PTPRO: variants seen among roughly 807,000 people sequenced by gnomAD.
The protein encoded by PTPRO is protein tyrosine phosphatase receptor type O.
In PTPRO, 62 loss-of-function variants were observed where a neutral mutation model predicts 145.2. The observed-to-expected ratio is 0.43, with a 90% confidence interval of 0.35 to 0.53. The LOEUF (loss-of-function observed/expected upper bound fraction) is 0.53, where lower values mean the gene tolerates loss of function less well. Ranked by LOEUF, PTPRO falls within the 20% of genes least tolerant of loss-of-function variation. The probability of loss-of-function intolerance (pLI) is 0.01; values close to 1 mark genes in which losing one functional copy is unlikely to be tolerated. For synonymous variants in PTPRO, 565 were observed against 514.7 expected (o/e 1.10, Z -1.32); for missense variants, 1,345 against 1,482.7 (o/e 0.91, Z 1.53).
intron 2 of PTPRO, among the ~76,000 whole-genome samples, chr12:15,485,026 C>T (rs773083382): frequency 1.3e-5 from 2 of 152,028 alleles, no homozygotes; most frequent in Non-Finnish European, 2.9e-5. Flanking sequence ...GTCCCTTTTG[C>T]TTGTGTTCTT....
At position 15,497,398 on chromosome 12, in the gene PTPRO, A is replaced by T; in HGVS notation, c.503A>T (p.Tyr168Phe). ...GGTAAAGACTTCCGGACAATGCTAT[A>T]TAAAGGTAAGCAGCAAAAGGAAAGC... ...WEGKDFRTML[Y>F]KDFFKGKTVF... is the part of the protein sequence containing the mutation. The change falls in exon 3 of 27, where the codon TAT becomes TTT. Residue 168 changes from tyrosine (Y) to phenylalanine (F), a missense_variant. Tyr to Phe is a conservative substitution (Grantham distance 22). Coordinates refer to ENST00000281171, the MANE Select transcript of PTPRO (RefSeq NM_030667.3). 6.2e-7 allele frequency: 1 copy of T among 1,613,362 alleles called. No homozygotes were observed. The highest frequency in any genetic ancestry group is 1.1e-5 in the South Asian group (1 of 91,072).
rs907136860 is a variant in PTPRO at position 15,450,329 on chromosome 12, C to G, written c.76-33645C>G. On this transcript the variant is annotated intron_variant, in intron 1 of 26. Transcript: ENST00000281171. ...CCAGAAGTAGCTTAAGGAAACGACT[C>G]TTTCCCATTCTCTATTCAGATCCTC... Among the ~76,000 whole-genome samples, 14 of 152,356 alleles carry G rather than the reference C, an allele frequency of 9.2e-5. No individual in the cohort carries two copies. The South Asian group carries it at 2.9e-3, about 32-fold the overall frequency.
Position 15,569,432 on chromosome 12 carries a change from T to C in PTPRO, c.2763T>C (p.Asp921=). 1 of 1,613,580 alleles carries C rather than the reference T, an allele frequency of 6.2e-7. No homozygotes were observed. The highest frequency in any genetic ancestry group is 8.5e-7 in the Non-Finnish European group (1 of 1,179,536). The part of the protein sequence containing the change: ...KRKLTNPVQL[D]DFDAYIKDMA... ...TTTGGCAAAGCCCGGTTCAACTGGA[T>C]GACTTTGATGCCTATATTAAGGATA... The change falls in exon 19 of 27, where the codon GAT becomes GAC. Residue 921 remains aspartate, a synonymous_variant. Coordinates refer to ENST00000281171, the MANE Select transcript of PTPRO (RefSeq NM_030667.3).
At chr12:15,470,806 A>G (rs1033082152) in intron 1 of PTPRO, among the ~76,000 whole-genome samples, 1 of 152,232 alleles carries the variant, frequency 6.6e-6, no homozygotes, top group African/African-American at 2.4e-5. Context: ...ACTGAAGGAC[A>G]AAAGATGAGT....
intron 1 of PTPRO, among the ~76,000 whole-genome samples, chr12:15,370,016 C>T (rs1363826319): frequency 6.6e-6 from 1 of 151,946 alleles, no homozygotes; most frequent in African/African-American, 2.4e-5. Flanking sequence ...CGCCCCACTC[C>T]ACTCCAGCCT....
intron 1 of PTPRO, among the ~76,000 whole-genome samples, chr12:15,440,861 G>A (rs927965350): frequency 1.3e-5 from 2 of 152,170 alleles, no homozygotes; most frequent in Non-Finnish European, 2.9e-5. Flanking sequence ...CAACTTTGGA[G>A]CAACCAGATT....
rs546746717 is a variant in PTPRO at position 15,523,473 on chromosome 12, T to C, written c.1892-1341T>C. On this transcript the variant is annotated intron_variant, in intron 10 of 26. Coordinates refer to ENST00000281171, the MANE Select transcript of PTPRO (RefSeq NM_030667.3). ...CTTCCCTCGTTGGCAAATTTTTTAT[T>C]TTATTTATTTACGTTTTTTGGCTGG... 1.1e-4 allele frequency among the ~76,000 whole-genome samples: 16 copies of C among 152,294 alleles called. 1 individual carries two copies. The South Asian group carries it at 3.3e-3, about 32-fold the overall frequency.
intron 12 of PTPRO, among the ~76,000 whole-genome samples, chr12:15,540,183 A>G (rs945607722): frequency 2.0e-5 from 3 of 152,194 alleles, no homozygotes; most frequent in African/African-American, 4.8e-5. Flanking sequence ...CAACTTGAGC[A>G]TAGTTTCTGC....
chr12:15,431,170 A>G (rs1940426238), intron 1 of PTPRO, among the ~76,000 whole-genome samples: 1 of 152,366 alleles, frequency 6.6e-6, no homozygotes, highest in South Asian at 2.1e-4. Flanking sequence ...TATTTCCATC[A>G]GGGACATTTG....
chr12:15,398,095 A>G (rs1344815133), intron 1 of PTPRO, among the ~76,000 whole-genome samples: 1 of 152,200 alleles, frequency 6.6e-6, no homozygotes, highest in Non-Finnish European at 1.5e-5. Flanking sequence ...TAATGTGAAG[A>G]TAAATATGAG....
chr12:15,561,078 A>G (rs1299977314), intron 17 of PTPRO, among the ~76,000 whole-genome samples: 3 of 152,094 alleles, frequency 2.0e-5, no homozygotes, highest in African/African-American at 4.8e-5. Context: ...TTCCTGTGCT[A>G]TAAGATAAAA....
chr12:15,533,463 T>C (rs1180772792), intron 12 of PTPRO, among the ~76,000 whole-genome samples: 1 of 152,196 alleles, frequency 6.6e-6, no homozygotes, highest in Non-Finnish European at 1.5e-5. Context: ...ATATAAGCCC[T>C]TTCCATTTTA....
rs1307022153 is a variant in PTPRO at position 15,322,907 on chromosome 12, C to G, written c.75+106C>G. 7.8e-6 allele frequency: 9 copies of G among 1,156,730 alleles called. No individual in the cohort carries two copies. Among genetic ancestry groups the G allele is most frequent in the Non-Finnish European group, 1.1e-5 (9 of 816,024 alleles). 71.7% of individuals were successfully genotyped at this position (1,156,730 alleles called of 1,614,324 possible). The stretch of plus-strand genomic sequence containing the variant: ...CGGCGCGCCCCAGGGCACGATGGCC[C>G]AGCCGCGGGAAGCGCCTGCCGTGCA... On this transcript the variant is annotated intron_variant, in intron 1 of 26. Coordinates refer to ENST00000281171, the MANE Select transcript of PTPRO (RefSeq NM_030667.3). This position sits in a 1 kb window ranked among gnomAD's most constrained non-coding sequence, Gnocchi z 6.3.
At chr12:15,556,875 GAATGCCCT>G (rs1943641553) in intron 15 of PTPRO, among the ~76,000 whole-genome samples, 1 of 152,112 alleles carries the variant, frequency 6.6e-6, no homozygotes, top group South Asian at 2.1e-4. Flanking sequence ...TTAGAATCAT[GAATGCCCT>G]TTGGAAAGGA....
chr12:15,416,325 C>CTT (rs33914934), intron 1 of PTPRO, among the ~76,000 whole-genome samples: 23,634 of 143,614 alleles, frequency 0.16, 2,343 homozygotes, highest in East Asian at 0.24. Flanking sequence ...CTCTCTCTTT[C>CTT]TTTTTTTTTT....
chr12:15,389,691 A>G (rs1310689274), intron 1 of PTPRO, among the ~76,000 whole-genome samples: 4 of 152,156 alleles, frequency 2.6e-5, no homozygotes, highest in Non-Finnish European at 5.9e-5. Flanking sequence ...AATGCCAAAC[A>G]CCTTCTGGAT....
chr12:15,532,032 T>C (rs1433954812), intron 12 of PTPRO, among the ~76,000 whole-genome samples: 1 of 152,194 alleles, frequency 6.6e-6, no homozygotes, highest in African/African-American at 2.4e-5. Context: ...TTTTAGAAAA[T>C]CTAAAAAACA....
rs138649523 is a variant in PTPRO, at chr12:15,567,339, A to G, written c.2747+1711A>G. Among the ~76,000 whole-genome samples, 252 of 151,652 alleles carry G rather than the reference A, an allele frequency of 1.7e-3. 1 individual carries two copies. Among genetic ancestry groups the G allele is most frequent in the African/African-American group, 5.2e-3 (215 of 41,360 alleles). The stretch of plus-strand genomic sequence containing the variant: ...CATATCCCCCTGGTTCCCATTTTCT[A>G]TCTCCACTTGTCTTCATTCCATCCT... On this transcript the variant is annotated intron_variant, in intron 18 of 26. Coordinates refer to ENST00000281171, the MANE Select transcript of PTPRO (RefSeq NM_030667.3).
chr12:15,352,709 C>T (rs1329781279), intron 1 of PTPRO, among the ~76,000 whole-genome samples: 1 of 150,770 alleles, frequency 6.6e-6, no homozygotes, highest in Non-Finnish European at 1.5e-5. Context: ...GGAAATGGGT[C>T]TTCTGCCATT....
Sources: allele counts gnomAD v4.1 joint callset (sites outside exome capture counted in the v4.1 genomes callset), GRCh38; gene constraint gnomAD v4.1.1; non-coding constraint Gnocchi (gnomAD v3.1); transcripts MANE v1.5; gene names NCBI Gene and HGNC (gene_info 2026-07-23, HGNC 2026-07-21).